The following SDK1 variants were observed in gnomAD, a reference collection of about 807,000 sequenced individuals.
SDK1 encodes protein sidekick-1.
In SDK1, 157 loss-of-function variants were observed where a neutral mutation model predicts 245.5. The observed-to-expected ratio is 0.64, with a 90% CI of 0.56 to 0.73. SDK1 has a LOEUF of 0.73. SDK1 is among the 30% of genes least tolerant of loss of function. The pLI, the probability that SDK1 is intolerant of heterozygous loss-of-function variation, is 0.00. For synonymous variants in SDK1, 1,647 were observed against 1,278.5 expected (o/e 1.29, Z -6.15); for missense variants, 3,583 against 3,002.3 (o/e 1.19, Z -4.52).
intron 1 of SDK1, among the ~76,000 whole-genome samples, chr7:3,420,817 T>C (rs1188219807): frequency 6.6e-6 from 1 of 152,160 alleles, no homozygotes; most frequent in Non-Finnish European, 1.5e-5. Flanking sequence ...TAGATAAACA[T>C]GTACCATGGT....
intron 23 of SDK1, among the ~76,000 whole-genome samples, chr7:4,111,736 C>T (rs531743790): frequency 3.3e-5 from 5 of 152,214 alleles, no homozygotes; most frequent in Admixed American, 6.5e-5. Flanking sequence ...AAGTAGAGAT[C>T]AGTGTCCCTG....
intron 1 of SDK1, among the ~76,000 whole-genome samples, chr7:3,525,145 A>C (rs1265476966): frequency 6.6e-6 from 1 of 152,110 alleles, no homozygotes; most frequent in Non-Finnish European, 1.5e-5. Flanking sequence ...ATTTGTAAAT[A>C]CTATGCCATT....
At chr7:3,433,204 C>T (rs1008808164) in intron 1 of SDK1, among the ~76,000 whole-genome samples, 1 of 152,144 alleles carries the variant, frequency 6.6e-6, no homozygotes, top group East Asian at 1.9e-4. Flanking sequence ...TGCCTGGCTT[C>T]GTCCACATTA....
chr7:4,232,406 TC>T lies in SDK1; in HGVS notation c.5828-848del, dbSNP rs1436996983. Among the ~76,000 whole-genome samples the T allele has an allele frequency of 7.4e-3, 791 of 106,870 alleles. 9 individuals carry two copies. The highest frequency in any genetic ancestry group is 0.027 in the African/African-American group (712 of 26,794). 70.1% of individuals were successfully genotyped at this position (106,870 alleles called of 152,430 possible). ...TTTCTTTTTTTCTTTTCTTTTCTTT[TC>T]TTTCTTTTTTTTTTTTTTTTGTTAT... On this transcript the variant is annotated intron_variant, in intron 40 of 44. Transcript: ENST00000404826.
At chr7:3,326,278 G>A (rs950533716) in intron 1 of SDK1, among the ~76,000 whole-genome samples, 2 of 152,128 alleles carry the variant, frequency 1.3e-5, no homozygotes, top group South Asian at 4.1e-4. Flanking sequence ...ATATGTAAAA[G>A]TGTACATATC....
chr7:3,776,299 A>G (rs1780559698), intron 4 of SDK1, among the ~76,000 whole-genome samples: 2 of 152,212 alleles, frequency 1.3e-5, no homozygotes, highest in African/African-American at 4.8e-5. Flanking sequence ...GGCCATGGGA[A>G]CACTGCAGAG....
intron 22 of SDK1, among the ~76,000 whole-genome samples, chr7:4,102,012 A>G (rs1055276742): frequency 4.6e-5 from 7 of 152,160 alleles, no homozygotes; most frequent in Non-Finnish European, 7.4e-5. Flanking sequence ...AGAATATTAA[A>G]CAGGAAAGAC....
At chr7:3,344,855 T>C (rs989810781) in intron 1 of SDK1, among the ~76,000 whole-genome samples, 3 of 152,214 alleles carry the variant, frequency 2.0e-5, no homozygotes. Flanking sequence ...TGAGCCTTTG[T>C]AGTTAATGAC....
intron 17 of SDK1, among the ~76,000 whole-genome samples, chr7:4,023,275 T>C (rs1787075557): frequency 6.6e-6 from 1 of 152,152 alleles, no homozygotes; most frequent in Non-Finnish European, 1.5e-5. Context: ...CAATCCCATT[T>C]AATAGATTTT....
intron 4 of SDK1, among the ~76,000 whole-genome samples, chr7:3,784,038 C>A (rs1011112418): frequency 6.6e-5 from 10 of 151,882 alleles, no homozygotes; most frequent in Admixed American, 6.6e-4. Context: ...CAGAAATGAA[C>A]CCATGCATAT....
In SDK1 at chr7:4,268,865, A is replaced by G; in HGVS notation, c.*3481A>G. ...TGGTTTAGGGAGCCGTCAGGTCCCTAAACGTTCCCTACAACTTTTTCTGAA... is the reference window on the plus strand; with the variant it reads ...TGGTTTAGGGAGCCGTCAGGTCCCTGAACGTTCCCTACAACTTTTTCTGAA... On this transcript the variant is annotated 3_prime_UTR_variant, in exon 45 of 45. Transcript: ENST00000404826. The G allele has an allele frequency of 1.6e-6, 1 of 607,620 alleles. No homozygotes were observed. The allele number at this position is 607,620 out of a possible 1,614,324, so 37.6% of individuals were successfully genotyped here. A position where few individuals can be genotyped will look rare whatever the true frequency, so the allele number is the denominator to read the frequency against.
intron 17 of SDK1, among the ~76,000 whole-genome samples, chr7:4,020,532 G>A (rs542120938): frequency 1.8e-4 from 28 of 152,312 alleles, no homozygotes; most frequent in African/African-American, 6.7e-4. Flanking sequence ...GGCAATGCTT[G>A]CCTGGCTCTG....
chr7:3,992,056 A>T (rs981861307), intron 14 of SDK1, among the ~76,000 whole-genome samples: 1 of 152,182 alleles, frequency 6.6e-6, no homozygotes, highest in Non-Finnish European at 1.5e-5. Flanking sequence ...CCCTCCGGCT[A>T]CTTGGGAGAC....
At chr7:3,392,603 A>G (rs1000867603) in intron 1 of SDK1, among the ~76,000 whole-genome samples, 2 of 152,186 alleles carry the variant, frequency 1.3e-5, no homozygotes, top group Non-Finnish European at 2.9e-5. Context: ...CTTCTAAGCA[A>G]TAATTTCCCA....
chr7:3,932,630 G>C (rs1780017394), intron 5 of SDK1, among the ~76,000 whole-genome samples: 1 of 152,222 alleles, frequency 6.6e-6, no homozygotes, highest in Non-Finnish European at 1.5e-5. Context: ...GGGTAAGTCT[G>C]ATATAGCGGT....
chr7:4,261,924 C>T (rs928205248), intron 44 of SDK1, among the ~76,000 whole-genome samples: 2 of 151,266 alleles, frequency 1.3e-5, no homozygotes, highest in East Asian at 3.9e-4. Flanking sequence ...CAGGATGCTT[C>T]CATGCATCGG....
chr7:3,682,453 G>A (rs1339756003), intron 4 of SDK1, among the ~76,000 whole-genome samples: 2 of 11,264 alleles, frequency 1.8e-4, no homozygotes, highest in African/African-American at 3.4e-4. Flanking sequence ...CCTGGTATCT[G>A]GAACAAAGCT....
chr7:3,739,648 G>A (rs957881616), intron 4 of SDK1, among the ~76,000 whole-genome samples: 38 of 151,968 alleles, frequency 2.5e-4, no homozygotes, highest in African/African-American at 9.2e-4. Flanking sequence ...TTTTAATATT[G>A]TTTGTTGAGA....
intron 4 of SDK1, among the ~76,000 whole-genome samples, chr7:3,683,688 C>T (rs1243190904): frequency 6.6e-6 from 1 of 152,204 alleles, no homozygotes; most frequent in African/African-American, 2.4e-5. Context: ...GAGGCAGCTG[C>T]CTGGGGACCT....
Sources: gnomAD v4.1 joint callset for allele counts (sites outside exome capture counted in the v4.1 genomes callset) on GRCh38, gnomAD v4.1.1 for gene constraint, MANE v1.5 for transcripts, NCBI Gene and HGNC (gene_info 2026-07-23, HGNC 2026-07-21) for gene names.